The following SLC6A3 variants were observed in gnomAD, a reference collection of about 807,000 sequenced individuals.
SLC6A3 encodes solute carrier family 6 member 3.
Under a neutral mutation model 70.4 loss-of-function variants are expected in SLC6A3, and 19 were observed. The observed-to-expected ratio is 0.27, with a 90% CI of 0.19 to 0.40. The LOEUF (loss-of-function observed/expected upper bound fraction) is 0.40, where lower values mean the gene tolerates loss of function less well. Among genes scored for constraint, SLC6A3 ranks in the 10% least tolerant of loss-of-function variants. The probability of loss-of-function intolerance (pLI) is 1.00; values close to 1 mark genes in which losing one functional copy is unlikely to be tolerated. For synonymous variants in SLC6A3, 368 were observed against 356.6 expected (o/e 1.03, Z -0.36); for missense variants, 613 against 838.5 (o/e 0.73, Z 3.32).
At position 1,411,111 on chromosome 5, in the gene SLC6A3, C is replaced by T. The variant is rs1756111571; in HGVS notation, c.1269+132G>A. 8.5e-6 allele frequency: 6 copies of T among 709,050 alleles called. No individual in the cohort carries two copies. The highest frequency in any genetic ancestry group is 1.5e-5 in the Non-Finnish European group (6 of 392,350). The allele number at this position is 709,050 out of a possible 1,614,324, so 43.9% of individuals were successfully genotyped here. Reference sequence around the variant, plus strand: ...CTCCCAAATAATCACGGGGCTCGCCCAAGTCAAGGACAGGAGGTCTGGGGG... The same window carrying T: ...CTCCCAAATAATCACGGGGCTCGCCTAAGTCAAGGACAGGAGGTCTGGGGG... On this transcript the variant is annotated intron_variant, in intron 9 of 14. Transcript: ENST00000270349. The surrounding 1 kb of genome is among the most constrained non-coding windows in gnomAD (Gnocchi z 6.5).
chr5:1,435,260 T>C (rs577873225), intron 3 of SLC6A3, among the ~76,000 whole-genome samples: 1 of 152,346 alleles, frequency 6.6e-6, no homozygotes, highest in African/African-American at 2.4e-5. Flanking sequence ...GGAGCCACAC[T>C]GTCGGTGAGC....
intron 4 of SLC6A3, among the ~76,000 whole-genome samples, chr5:1,426,059 C>T (rs559842329): frequency 2.0e-5 from 3 of 152,204 alleles, no homozygotes; most frequent in Non-Finnish European, 2.9e-5. Flanking sequence ...ACCCTTGTTC[C>T]GATTTGCATC....
chr5:1,431,009 C>A (rs1278762378), intron 4 of SLC6A3, among the ~76,000 whole-genome samples: 1 of 152,254 alleles, frequency 6.6e-6, no homozygotes, highest in Non-Finnish European at 1.5e-5. Flanking sequence ...GCGAGCCCCC[C>A]AAACAGGAGC....
chr5:1,409,091 A>G lies in SLC6A3; in HGVS notation c.1433T>C (p.Phe478Ser). Residue 478 changes from phenylalanine (F) to serine (S), a missense_variant, in exon 11 of 15, where the codon TTT (phenylalanine) becomes TCT (serine). By Grantham distance (155) the Phe-to-Ser change is radical. Transcript: ENST00000270349. ...GIYVFTLLDH[F>S]AAGTSILFGV... ...AAAGAGGATGGACGTGCCGGCTGCA[A>G]AATGGTCCAGGAGCGTGAAGACGTA... 3.1e-6 allele frequency: 5 copies of G among 1,612,972 alleles called. No homozygotes were observed. The highest frequency in any genetic ancestry group is 4.2e-6 in the Non-Finnish European group (5 of 1,179,792).
chr5:1,402,997 G>C lies in SLC6A3; in HGVS notation c.1692C>G (p.Ile564Met). 1 of 1,614,060 alleles carries C rather than the reference G, an allele frequency of 6.2e-7. No homozygotes were observed. Among genetic ancestry groups the C allele is most frequent in the Non-Finnish European group, 8.5e-7 (1 of 1,179,998 alleles). Reference protein sequence around the residue: ...PDWANALGWVIATSSMAMVPI... With the variant: ...PDWANALGWVMATSSMAMVPI... ...GCACCATGGCCATGGAGGATGTGGC[G>C]ATGACCCAGCCCAGCGCGTTGGCCC... Residue 564 changes from isoleucine to methionine, a missense_variant, in exon 13 of 15, where the codon ATC (isoleucine) becomes ATG (methionine). Physicochemically the swap from Ile to Met is conservative, Grantham distance 10. Transcript: ENST00000270349. This position sits in a 1 kb window ranked among gnomAD's most constrained non-coding sequence, Gnocchi z 8.5.
Position 1,436,118 on chromosome 5 carries a change from G to A in SLC6A3, c.419-3420C>T, listed in dbSNP as rs1361105740. On this transcript the variant is annotated intron_variant, in intron 3 of 14. Coordinates refer to ENST00000270349, the MANE Select transcript of SLC6A3 (RefSeq NM_001044.5). This position sits in a 1 kb window ranked among gnomAD's most constrained non-coding sequence, Gnocchi z 5.2. The stretch of plus-strand genomic sequence containing the variant: ...GGGTGAGGAAATGGCTCCCTTGAAC[G>A]GTAGTGGCCACTGTCAGCACTGGCC... 2.0e-5 allele frequency among the ~76,000 whole-genome samples: 3 copies of A among 152,128 alleles called. No homozygotes were observed. Among genetic ancestry groups the A allele is most frequent in the Non-Finnish European group, 2.9e-5 (2 of 68,016 alleles).
At chr5:1,418,688 T>TC (rs1156248504) in intron 6 of SLC6A3, among the ~76,000 whole-genome samples, 1 of 148,300 alleles carries the variant, frequency 6.7e-6, no homozygotes, top group Non-Finnish European at 1.5e-5. Context: ...CATCTGTCCA[T>TC]CATCCACCAA....
Position 1,400,991 on chromosome 5 carries a change from AAG to A in SLC6A3, c.1768-7_1768-6del, listed in dbSNP as rs781468421. On this transcript the variant is annotated splice_region_variant and splice_polypyrimidine_tract_variant and intron_variant, in intron 13 of 14. Coordinates refer to ENST00000270349, the MANE Select transcript of SLC6A3 (RefSeq NM_001044.5). ...TGCAATGGCGTAGGCCAGTTTCTGA[AAG>A]AGAAAGAGAGTGCAGGGGTCAGTGC... The A allele has an allele frequency of 2.3e-5, 37 of 1,590,956 alleles. 1 individual carries two copies. The East Asian group carries it at 6.6e-4, about 28-fold the overall frequency.
In SLC6A3 at chr5:1,396,873, A is replaced by C. The variant is rs1755734759; in HGVS notation, c.1840-2115T>G. Among the ~76,000 whole-genome samples, 2 of 152,208 alleles carry C rather than the reference A, an allele frequency of 1.3e-5. No homozygotes were observed. The highest frequency in any genetic ancestry group is 1.3e-4 in the Admixed American group (2 of 15,290). On this transcript the variant is annotated intron_variant, in intron 14 of 14. Transcript: ENST00000270349. The surrounding 1 kb of genome is among the most constrained non-coding windows in gnomAD (Gnocchi z 7.0). ...TTTAGGAAGCTAGAAATATCTAGAGATGCAACAAATGAAATTGTAAGAAGG... is the reference window on the plus strand; with the variant it reads ...TTTAGGAAGCTAGAAATATCTAGAGCTGCAACAAATGAAATTGTAAGAAGG...
In SLC6A3 at chr5:1,402,768, A is replaced by ACG. The variant is rs1289078229; in HGVS notation, c.1767+152_1767+153dup. On this transcript the variant is annotated intron_variant, in intron 13 of 14. Transcript: ENST00000270349. The surrounding 1 kb of genome is among the most constrained non-coding windows in gnomAD (Gnocchi z 8.5). ...CCCGGGCGTGCAGGTGGACACACAC[A>ACG]CGCACACACACACACAGTGTTGTGG... Among the ~76,000 whole-genome samples the ACG allele has an allele frequency of 3.3e-5, 5 of 152,150 alleles. No individual in the cohort carries two copies.
intron 1 of SLC6A3, 37 bp from the exon 2 acceptor site, chr5:1,443,279 C>G: frequency 5.3e-6 from 8 of 1,499,214 alleles, no homozygotes; most frequent in Non-Finnish European, 6.5e-6. Flanking sequence ...ACAACAGGAA[C>G]GCAACAATTC....
rs751986313 is a variant in SLC6A3 at position 1,443,035 on chromosome 5, C to T, written c.163G>A (p.Val55Met). 13 of 1,614,116 alleles carry T rather than the reference C, an allele frequency of 8.1e-6. No homozygotes were observed. Among genetic ancestry groups the T allele is most frequent in the South Asian group, 4.4e-5 (4 of 91,094 alleles). ...STLTNPRQSP[V>M]EAQDRETWGK... is the part of the protein sequence containing the mutation. The stretch of plus-strand genomic sequence containing the variant: ...CAGGTCTCCCGATCCTGGGCCTCCA[C>T]GGGGCTCTGCCGCGGGTTGGTGAGG... The change falls in exon 2 of 15, where the codon GTG becomes ATG. Residue 55 changes from valine to methionine, a missense_variant. Around this residue, in one of 4 missense-constraint regions of SLC6A3, gnomAD observed 111 missense variants for 91.6 expected, o/e 1.21. Coordinates refer to ENST00000270349, the MANE Select transcript of SLC6A3 (RefSeq NM_001044.5).
Position 1,421,806 on chromosome 5 carries a change from C to T in SLC6A3, c.792+70G>A. 6.4e-7 allele frequency: 1 copy of T among 1,565,072 alleles called. No individual in the cohort carries two copies. Among genetic ancestry groups the T allele is most frequent in the Non-Finnish European group, 8.8e-7 (1 of 1,138,350 alleles). On this transcript the variant is annotated intron_variant, in intron 5 of 14. Transcript: ENST00000270349. The surrounding 1 kb of genome is among the most constrained non-coding windows in gnomAD (Gnocchi z 7.2). ...CTGAGGCCACACGTGCACCTCCTGT[C>T]CAGCCACGGCCACATGTCCACTTGG...
Position 1,411,773 on chromosome 5 carries a change from CAT to C in SLC6A3, c.1157-420_1157-419del, listed in dbSNP as rs1756131972. 6.6e-6 allele frequency among the ~76,000 whole-genome samples: 1 copy of C among 151,864 alleles called. No homozygotes were observed. The highest frequency in any genetic ancestry group is 1.9e-4 in the East Asian group (1 of 5,180). On this transcript the variant is annotated intron_variant, in intron 8 of 14. Transcript: ENST00000270349. This position sits in a 1 kb window ranked among gnomAD's most constrained non-coding sequence, Gnocchi z 6.5. ...CATGCAACATACACACTCAGACACA[CAT>C]ACCATGCAACATACACACTCAGACA...
chr5:1,417,675 G>A lies in SLC6A3; in HGVS notation c.928-1474C>T, dbSNP rs144195981. On this transcript the variant is annotated intron_variant, in intron 6 of 14. Transcript: ENST00000270349. ...GCGGAGACCATTCAGTGACTCAGAT[G>A]CCCACCTTGCCCTTCCCTGGGCCTT... is the stretch of plus-strand genomic sequence containing the variant. Among the ~76,000 whole-genome samples, 590 of 152,374 alleles carry A rather than the reference G, an allele frequency of 3.9e-3. 1 individual carries two copies. The highest frequency in any genetic ancestry group is 0.013 in the African/African-American group (559 of 41,586).
rs1312005508 is a variant in SLC6A3 at position 1,436,469 on chromosome 5, G to A, written c.419-3771C>T. Among the ~76,000 whole-genome samples the A allele has an allele frequency of 6.6e-6, 1 of 152,158 alleles. No homozygotes were observed. The highest frequency in any genetic ancestry group is 2.4e-5 in the African/African-American group (1 of 41,422). ...GGGAAAACATTCATGAGAACATGGCGCTTCCCTTCCCTCCTGTCTGACTCC... is the reference window on the plus strand; with the variant it reads ...GGGAAAACATTCATGAGAACATGGCACTTCCCTTCCCTCCTGTCTGACTCC... On this transcript the variant is annotated intron_variant, in intron 3 of 14. Coordinates refer to ENST00000270349, the MANE Select transcript of SLC6A3 (RefSeq NM_001044.5). This position sits in a 1 kb window ranked among gnomAD's most constrained non-coding sequence, Gnocchi z 5.2.
At chr5:1,417,566 G>A (rs1021608239) in intron 6 of SLC6A3, among the ~76,000 whole-genome samples, 2 of 152,248 alleles carry the variant, frequency 1.3e-5, no homozygotes, top group Non-Finnish European at 2.9e-5. Context: ...AACTCTGGAC[G>A]TGAAAGGAAA....
chr5:1,410,144 C>T (rs1756081948), intron 9 of SLC6A3, among the ~76,000 whole-genome samples: 1 of 152,306 alleles, frequency 6.6e-6, no homozygotes, highest in African/African-American at 2.4e-5. Context: ...AAAACAATGC[C>T]ACCCTGTCCA....
chr5:1,413,545 C>T lies in SLC6A3; in HGVS notation c.1156+1146G>A, dbSNP rs76839624. ...AGATCAGTCAGCAACAACACCCACA[C>T]GGGACAGGGGCTTTTCTGAGCACAA... On this transcript the variant is annotated intron_variant, in intron 8 of 14. Transcript: ENST00000270349. The surrounding 1 kb of genome is among the most constrained non-coding windows in gnomAD (Gnocchi z 7.1). Among the ~76,000 whole-genome samples, 1,815 of 152,318 alleles carry T rather than the reference C, an allele frequency of 0.012. 21 individuals carry two copies. The highest frequency in any genetic ancestry group is 0.016 in the Non-Finnish European group (1,117 of 68,020).
Sources: allele counts gnomAD v4.1 joint callset (sites outside exome capture counted in the v4.1 genomes callset), GRCh38; gene constraint gnomAD v4.1.1; regional missense constraint gnomAD v4.1.1; non-coding constraint Gnocchi (gnomAD v3.1); transcripts MANE v1.5; gene names NCBI Gene and HGNC (gene_info 2026-07-23, HGNC 2026-07-21).